Variants in COTL1 observed in about 807,000 individuals in gnomAD.
COTL1 encodes coactosin-like protein.
Under a neutral mutation model 16.5 loss-of-function variants are expected in COTL1, and 15 were observed. The ratio of observed to expected loss-of-function variants is 0.91; its 90% CI spans 0.61 to 1.40. The LOEUF is 1.40. Among genes scored for constraint, COTL1 ranks in the 40% most tolerant of loss-of-function variants. COTL1 has a pLI of 0.00. For synonymous variants in COTL1, 112 were observed against 85.3 expected (o/e 1.31, Z -1.73); for missense variants, 220 against 201.5 (o/e 1.09, Z -0.56).
chr16:84,573,409 C>T (rs964102156), intron 3 of COTL1, among the ~76,000 whole-genome samples: 1 of 152,126 alleles, frequency 6.6e-6, no homozygotes, highest in African/African-American at 2.4e-5. Context: ...CATTAGAGCC[C>T]ATCCGACAGG....
chr16:84,582,817 T>C (rs2150684454), intron 3 of COTL1, among the ~76,000 whole-genome samples: 2 of 152,278 alleles, frequency 1.3e-5, no homozygotes, highest in African/African-American at 4.8e-5. Context: ...TAGTGATAAA[T>C]ACCTGCCCAA....
intron 3 of COTL1, among the ~76,000 whole-genome samples, chr16:84,571,223 C>G (rs891260): frequency 0.023 from 3,568 of 152,156 alleles, 110 homozygotes; most frequent in African/African-American, 0.08. Context: ...GAGCCCCCGC[C>G]GCGTGACTGC....
intron 2 of COTL1, among the ~76,000 whole-genome samples, chr16:84,611,291 C>T (rs1905318073): frequency 1.3e-5 from 2 of 152,216 alleles, no homozygotes; most frequent in Admixed American, 1.3e-4. Flanking sequence ...GCTTGCAACA[C>T]ATAATTTGAG....
chr16:84,614,251 G>C (rs1442702699), intron 2 of COTL1, among the ~76,000 whole-genome samples: 1 of 152,256 alleles, frequency 6.6e-6, no homozygotes, highest in Non-Finnish European at 1.5e-5. Context: ...AGCGGAGGTA[G>C]CGGAGGGGCA....
intron 2 of COTL1, among the ~76,000 whole-genome samples, chr16:84,606,157 G>A (rs1905207158): frequency 6.6e-6 from 1 of 152,236 alleles, no homozygotes; most frequent in Non-Finnish European, 1.5e-5. Context: ...ACCTGCCACT[G>A]CTGAGGCCAC....
chr16:84,600,376 G>C (rs1408747381), intron 2 of COTL1, among the ~76,000 whole-genome samples: 1 of 145,354 alleles, frequency 6.9e-6, no homozygotes, highest in Non-Finnish European at 1.5e-5. Flanking sequence ...GCCGTGGCAC[G>C]ATCTCAGCTT....
chr16:84,613,087 GC>G (rs1421042200), intron 2 of COTL1, among the ~76,000 whole-genome samples: 1 of 150,380 alleles, frequency 6.6e-6, no homozygotes, highest in East Asian at 2.0e-4. Flanking sequence ...TGCAACCTCT[GC>G]CTCCTGGGTT....
chr16:84,566,926 A>G lies in COTL1; in HGVS notation c.348T>C (p.Asp116=). The part of the protein sequence containing the change: ...QNFAKEFVIS[D]RKELEEDFIK... ...TGAAATCTTCCTCCAGCTCCTTCCGATCACTGATCACAAACTCCTTAGCGA... is the reference window on the plus strand; with the variant it reads ...TGAAATCTTCCTCCAGCTCCTTCCGGTCACTGATCACAAACTCCTTAGCGA... Residue 116 remains aspartate, a synonymous_variant, in exon 4 of 4, where the codon GAT becomes GAC. Transcript: ENST00000262428. 1 of 1,613,968 alleles carries G rather than the reference A, an allele frequency of 6.2e-7. No homozygotes were observed. Among genetic ancestry groups the G allele is most frequent in the South Asian group, 1.1e-5 (1 of 91,072 alleles).
chr16:84,591,744 G>C (rs1904870486), intron 2 of COTL1, among the ~76,000 whole-genome samples: 1 of 149,256 alleles, frequency 6.7e-6, no homozygotes, highest in African/African-American at 2.5e-5. Flanking sequence ...GATCACTTGA[G>C]CCCAGGAGGT....
intron 3 of COTL1, among the ~76,000 whole-genome samples, chr16:84,584,660 T>C (rs1176135795): frequency 6.6e-6 from 1 of 152,212 alleles, no homozygotes; most frequent in African/African-American, 2.4e-5. Context: ...CCTAAGGAAA[T>C]AATCTACAGT....
At position 84,590,646 on chromosome 16, in the gene COTL1, C is replaced by T. The variant is rs1291997297; in HGVS notation, c.161-384G>A. Reference sequence around the variant, plus strand: ...TCAAAGTCTGGGTGGGCCCATTGCACAGATGTGGGTGCCGCCAGCAGTGCC... The same window carrying T: ...TCAAAGTCTGGGTGGGCCCATTGCATAGATGTGGGTGCCGCCAGCAGTGCC... On this transcript the variant is annotated intron_variant, in intron 2 of 3. Coordinates refer to ENST00000262428, the MANE Select transcript of COTL1 (RefSeq NM_021149.5). The surrounding 1 kb of genome is among the most constrained non-coding windows in gnomAD (Gnocchi z 5.5). Among the ~76,000 whole-genome samples the T allele has an allele frequency of 6.6e-6, 1 of 152,230 alleles. No homozygotes were observed.
At chr16:84,588,867 G>T (rs928211207) in intron 3 of COTL1, among the ~76,000 whole-genome samples, 6 of 152,094 alleles carry the variant, frequency 3.9e-5, no homozygotes, top group Non-Finnish European at 7.3e-5. Flanking sequence ...ACAGATATGT[G>T]CAACCACCAT....
intron 1 of COTL1, 33 bp from the exon 2 acceptor site, chr16:84,617,616 C>T: frequency 6.5e-7 from 1 of 1,540,694 alleles, no homozygotes; most frequent in South Asian, 1.2e-5. Context: ...AACACACACA[C>T]ACATCAGCGC....
chr16:84,588,822 T>C (rs1342934192), intron 3 of COTL1, among the ~76,000 whole-genome samples: 1 of 151,954 alleles, frequency 6.6e-6, no homozygotes, highest in Non-Finnish European at 1.5e-5. Context: ...CAGCCCGTTT[T>C]TGTTTTTGAC....
chr16:84,580,516 G>C (rs1490609121), intron 3 of COTL1, among the ~76,000 whole-genome samples: 4 of 152,162 alleles, frequency 2.6e-5, no homozygotes, highest in Non-Finnish European at 5.9e-5. Context: ...TCCCCTAAGG[G>C]CTCTTAACCT....
intron 2 of COTL1, among the ~76,000 whole-genome samples, chr16:84,598,934 C>G (rs1474858703): frequency 6.6e-6 from 1 of 150,918 alleles, no homozygotes; most frequent in Middle Eastern, 3.4e-3. Context: ...ACAACAGAAA[C>G]AGAGGATGAC....
chr16:84,570,701 G>C (rs17752855), intron 3 of COTL1, among the ~76,000 whole-genome samples: 40,591 of 152,016 alleles, frequency 0.27, 5,984 homozygotes, highest in Middle Eastern at 0.4. Flanking sequence ...TTTCCTCTCT[G>C]CTCGGTAGAA....
chr16:84,577,439 T>A (rs1355807755), intron 3 of COTL1, among the ~76,000 whole-genome samples: 1 of 152,156 alleles, frequency 6.6e-6, no homozygotes, highest in Non-Finnish European at 1.5e-5. Flanking sequence ...GAGACAGGGT[T>A]TCACCATGTT....
At chr16:84,584,364 G>A (rs993271997) in intron 3 of COTL1, among the ~76,000 whole-genome samples, 1 of 152,254 alleles carries the variant, frequency 6.6e-6, no homozygotes, top group Non-Finnish European at 1.5e-5. Context: ...AGATTAAAGA[G>A]GATCAGAGTT....
Sources: gnomAD v4.1 joint callset for allele counts (sites outside exome capture counted in the v4.1 genomes callset) on GRCh38, gnomAD v4.1.1 for gene constraint, Gnocchi (gnomAD v3.1) non-coding constraint, MANE v1.5 for transcripts, NCBI Gene and HGNC (gene_info 2026-07-23, HGNC 2026-07-21) for gene names.